Variants in MRPL52 observed in about 807,000 individuals in gnomAD.
MRPL52 encodes the protein large ribosomal subunit protein mL52.
A neutral mutation model predicts 22.1 loss-of-function variants in MRPL52; 19 were observed. That is an observed-to-expected ratio of 0.86 (90% confidence interval 0.60 to 1.26). The LOEUF (loss-of-function observed/expected upper bound fraction) is 1.26. Ranked by LOEUF, MRPL52 falls within the 50% of genes most tolerant of loss-of-function variation. MRPL52 has a pLI of 0.00. For missense variants in MRPL52, 152 were observed against 148.1 expected (o/e 1.03, Z -0.14); for synonymous variants, 50 against 57.5 (o/e 0.87, Z 0.59).
intron 3 of MRPL52, 64 bp from the exon 4 acceptor site, chr14:22,833,354 G>C: frequency 9.9e-7 from 1 of 1,011,442 alleles, no homozygotes; most frequent in Admixed American, 1.7e-5. Context: ...TCCTATCACA[G>C]TATTTGCACA....
intron 3 of MRPL52, chr14:22,830,937 A>C: frequency 6.8e-7 from 1 of 1,460,700 alleles, no homozygotes. Context: ...AGATCTGAAT[A>C]TTTAATACCC....
rs777693088 is a variant in MRPL52 at position 22,833,160 on chromosome 14, G to T, written c.155-258G>T. ...ACCACTGCACTCCTACCTGGCAACA[G>T]AGCGAGACTGTCTCAAAAAATAATA... On this transcript the variant is annotated intron_variant, in intron 3 of 4. Transcript: ENST00000397496. The T allele has an allele frequency of 1.9e-4, 61 of 327,774 alleles. 1 individual carries two copies. In the South Asian group the frequency reaches 1.9e-3, roughly 10 times the overall value. 20.3% of individuals were successfully genotyped at this position (327,774 alleles called of 1,614,324 possible).
At position 22,833,443 on chromosome 14, in the gene MRPL52, A is replaced by T; in HGVS notation, c.180A>T (p.Lys60Asn). ...YADGRPAPPM[K>N]GQLRRKAERE... ...ATGGCCGCCCTGCTCCCCCAATGAA[A>T]GGCCAGCTTCGAAGAAAAGCTGAAA... Residue 60 changes from lysine to asparagine, a missense_variant, in exon 4 of 5, where the codon AAA becomes AAT. Transcript: ENST00000397496. The T allele has an allele frequency of 6.2e-7, 1 of 1,613,896 alleles. No homozygotes were observed. Among genetic ancestry groups the T allele is most frequent in the Admixed American group, 1.7e-5 (1 of 60,008 alleles).
intron 3 of MRPL52, chr14:22,831,726 G>A (rs1175102520): frequency 5.9e-5 from 9 of 152,172 alleles, no homozygotes; most frequent in Non-Finnish European, 1.3e-4. Context: ...AAGTCAGCAG[G>A]TATTTATGGA....
Position 22,830,252 on chromosome 14 carries a change from C to G in MRPL52, c.152C>G (p.Ala51Gly). Reference sequence around the variant, plus strand: ...ACCGAGCTCCCAGACTGGTCATATGCGGGTAAGCGCTGATCTGGCAGTTAA... The same window carrying G: ...ACCGAGCTCCCAGACTGGTCATATGGGGGTAAGCGCTGATCTGGCAGTTAA... ...PLTELPDWSY[A>G]DGRPAPPMKG... Residue 51 changes from alanine to glycine, a missense_variant and splice_region_variant, in exon 3 of 5, where the codon GCG (alanine) becomes GGG (glycine). Coordinates refer to ENST00000397496, the MANE Select transcript of MRPL52 (RefSeq NM_180982.3). 6.2e-7 allele frequency: 1 copy of G among 1,614,214 alleles called. No homozygotes were observed. Among genetic ancestry groups the G allele is most frequent in the African/African-American group, 1.3e-5 (1 of 75,060 alleles).
intron 4 of MRPL52, among the ~76,000 whole-genome samples, 153 bp from the exon 5 acceptor site, chr14:22,834,019 G>C (rs76083086): frequency 0.039 from 5,972 of 152,326 alleles, 156 homozygotes; most frequent in East Asian, 0.078. Flanking sequence ...ACATTTTGCT[G>C]TCTCCCTCTG....
rs189747612 is a variant in MRPL52, at chr14:22,831,025, C to G, written c.154+771C>G. 910 of 1,415,362 alleles carry G rather than the reference C, an allele frequency of 6.4e-4. 1 individual carries two copies. The highest frequency in any genetic ancestry group is 7.8e-4 in the Non-Finnish European group (837 of 1,071,898). 87.7% of individuals were successfully genotyped at this position (1,415,362 alleles called of 1,614,324 possible). A position where few individuals can be genotyped will look rare whatever the true frequency, so the allele number is the denominator to read the frequency against. The stretch of plus-strand genomic sequence containing the variant: ...AGGAAGATGGTGAAGATTTTTTCTA[C>G]TTGTTATTTACTGTAAGAAGCCTGG... On this transcript the variant is annotated intron_variant, in intron 3 of 4. Transcript: ENST00000397496.
At chr14:22,830,544 G>A in intron 3 of MRPL52, 1 of 469,782 alleles carries the variant, frequency 2.1e-6, no homozygotes, top group Admixed American at 3.9e-5. Context: ...TTTTTCAAAG[G>A]GGGACATTTT....
At chr14:22,830,609 C>T (rs1203580128) in intron 3 of MRPL52, 9 of 393,096 alleles carry the variant, frequency 2.3e-5, no homozygotes, top group African/African-American at 1.9e-4. Flanking sequence ...GTATTTGGTA[C>T]CAAATGCAGG....
intron 3 of MRPL52, chr14:22,830,893 C>G (rs974643622): frequency 2.2e-5 from 25 of 1,118,204 alleles, no homozygotes; most frequent in Non-Finnish European, 3.1e-5. Flanking sequence ...AAATCCAGGA[C>G]TAGAACATAG....
chr14:22,832,772 G>A (rs563361581), intron 3 of MRPL52, among the ~76,000 whole-genome samples: 3 of 152,270 alleles, frequency 2.0e-5, no homozygotes, highest in African/African-American at 4.8e-5. Flanking sequence ...CCAGTTACTC[G>A]GGAGGCTGAG....
chr14:22,831,078 G>A (rs994469693), intron 3 of MRPL52: 80 of 575,674 alleles, frequency 1.4e-4, no homozygotes, highest in Non-Finnish European at 2.3e-4. Context: ...ATGGACTATT[G>A]GAAAGACTCT....
At chr14:22,834,071 G>A (rs2039684129) in intron 4 of MRPL52, 101 bp from the exon 5 acceptor site, 4 of 1,376,080 alleles carry the variant, frequency 2.9e-6, no homozygotes, top group Admixed American at 4.8e-5. Context: ...AGTCAGCAGC[G>A]TCATTTTCCA....
At chr14:22,831,105 G>A (rs1021898898) in intron 3 of MRPL52, 2 of 101,288 alleles carry the variant, frequency 2.0e-5, no homozygotes, top group Non-Finnish European at 3.3e-5. Flanking sequence ...ACATATGACT[G>A]CTTTTTTTTT....
At chr14:22,833,295 A>C in intron 3 of MRPL52, 123 bp from the exon 4 acceptor site, 1 of 683,502 alleles carries the variant, frequency 1.5e-6, no homozygotes, top group Non-Finnish European at 2.7e-6. Context: ...ATTAAGCTAC[A>C]ATGTATATGA....
At chr14:22,833,346 C>T (rs1794860430) in intron 3 of MRPL52, 72 bp from the exon 4 acceptor site, 1 of 948,938 alleles carries the variant, frequency 1.1e-6, no homozygotes, top group South Asian at 1.3e-5. Context: ...TCCCTTATTC[C>T]TATCACAGTA....
chr14:22,830,185 A>G lies in MRPL52; in HGVS notation c.87-2A>G. On this transcript the variant is annotated splice_acceptor_variant, in intron 2 of 4. Coordinates refer to ENST00000397496, the MANE Select transcript of MRPL52 (RefSeq NM_180982.3). LOFTEE classifies it high-confidence loss of function. ...CTCACAGATCTGTTTTTCTCCACAC[A>G]GGCAGGGACTGGCTGCCAACCCCTC... 3 of 1,614,220 alleles carry G rather than the reference A, an allele frequency of 1.9e-6. No individual in the cohort carries two copies. The highest frequency in any genetic ancestry group is 2.5e-6 in the Non-Finnish European group (3 of 1,180,040).
intron 3 of MRPL52, chr14:22,832,057 C>G (rs931750456): frequency 2.0e-5 from 3 of 152,040 alleles, no homozygotes; most frequent in Non-Finnish European, 4.4e-5. Context: ...CCAAAAGGAC[C>G]TGAGGTAGCT....
chr14:22,833,388 A>G, intron 3 of MRPL52, 30 bp from the exon 4 acceptor site: 9 of 1,500,008 alleles, frequency 6.0e-6, no homozygotes, highest in Non-Finnish European at 5.6e-6. Flanking sequence ...CATCTCTAAC[A>G]CTTGACTTTT....
Sources: allele counts gnomAD v4.1 joint callset (sites outside exome capture counted in the v4.1 genomes callset), GRCh38; gene constraint gnomAD v4.1.1; transcripts MANE v1.5; gene names NCBI Gene and HGNC (gene_info 2026-07-23, HGNC 2026-07-21).